Variants in UGT1A9 observed in about 807,000 individuals in gnomAD.
UGT1A9 encodes UDP glucuronosyltransferase family 1 member A9, also known as UDP-glucuronosyltransferase 1A9.
A neutral mutation model predicts 45.0 loss-of-function variants in UGT1A9; 35 were observed. The observed-to-expected ratio is 0.78, with a 90% CI of 0.59 to 1.03. UGT1A9 has a LOEUF of 1.03. Among genes scored for constraint, UGT1A9 ranks in the 50% least tolerant of loss-of-function variants. UGT1A9 has a pLI of 0.00. For synonymous variants in UGT1A9, 278 were observed against 250.6 expected (o/e 1.11, Z -1.03); for missense variants, 687 against 666.6 (o/e 1.03, Z -0.34).
chr2:233,679,344 CT>C (rs2074449555), intron 1 of UGT1A9, among the ~76,000 whole-genome samples: 1 of 152,168 alleles, frequency 6.6e-6, no homozygotes, highest in African/African-American at 2.4e-5. Context: ...TTGAGTCCTT[CT>C]TTTTGTACAA....
In UGT1A9 at chr2:233,772,448, C is replaced by T. The variant is rs199539868; in HGVS notation, c.1482C>T (p.Ala494=). The change falls in exon 5 of 5, where the codon GCC becomes GCT. Residue 494 remains alanine (A), a synonymous_variant. Transcript: ENST00000354728. ...HSLDVIGFLL[A]VVLTVAFITF... The stretch of plus-strand genomic sequence containing the variant: ...TGGACGTGATTGGTTTCCTCTTGGC[C>T]GTCGTGCTGACAGTGGCCTTCATCA... 42 of 1,614,180 alleles carry T rather than the reference C, an allele frequency of 2.6e-5. No homozygotes were observed. In the East Asian group the frequency reaches 7.4e-4, roughly 28 times the overall value.
chr2:233,675,603 T>C (rs1166392817), intron 1 of UGT1A9, among the ~76,000 whole-genome samples: 1 of 152,124 alleles, frequency 6.6e-6, no homozygotes, highest in Non-Finnish European at 1.5e-5. Context: ...GACTAAGGCC[T>C]CCCACTAAAA....
Position 233,672,029 on chromosome 2 carries a change from C to G in UGT1A9, c.95C>G (p.Pro32Arg), listed in dbSNP as rs2074207677. The G allele has an allele frequency of 3.1e-6, 5 of 1,614,058 alleles. No homozygotes were observed. The highest frequency in any genetic ancestry group is 3.4e-6 in the Non-Finnish European group (4 of 1,179,998). ...GAGGCAGGGAAGCTACTGGTAGTGC[C>G]CATGGATGGGAGCCACTGGTTCACC... is the stretch of plus-strand genomic sequence containing the variant. The part of the protein sequence containing the change: ...FAEAGKLLVV[P>R]MDGSHWFTMR... The change falls in exon 1 of 5, where the codon CCC becomes CGC. Residue 32 changes from proline to arginine, a missense_variant. By Grantham distance (103) the Pro-to-Arg change is moderately radical. Transcript: ENST00000354728.
intron 1 of UGT1A9, chr2:233,729,881 C>T (rs1164878821): frequency 1.9e-6 from 3 of 1,613,778 alleles, no homozygotes; most frequent in Admixed American, 3.3e-5. Flanking sequence ...CTCAGTCATG[C>T]ATCTGTGTGG....
At chr2:233,753,815 C>T (rs973351937) in intron 1 of UGT1A9, among the ~76,000 whole-genome samples, 12 of 152,170 alleles carry the variant, frequency 7.9e-5, no homozygotes, top group Admixed American at 5.2e-4. Context: ...TGGAGAACCA[C>T]GTTAGGGCTG....
intron 1 of UGT1A9, among the ~76,000 whole-genome samples, chr2:233,702,495 G>A (rs755245410): frequency 2.6e-5 from 4 of 152,000 alleles, no homozygotes; most frequent in Non-Finnish European, 5.9e-5. Flanking sequence ...CTCTAGTACC[G>A]TGTTGAATAG....
chr2:233,760,524 C>T (rs2125985415), intron 1 of UGT1A9: 1 of 1,614,240 alleles, frequency 6.2e-7, no homozygotes, highest in Non-Finnish European at 8.5e-7. Context: ...TGAAGACGTA[C>T]CCTGTGCCAT....
chr2:233,702,785 G>A (rs1179853330), intron 1 of UGT1A9, among the ~76,000 whole-genome samples: 1 of 152,106 alleles, frequency 6.6e-6, no homozygotes, highest in Admixed American at 6.5e-5. Flanking sequence ...AGGTGTAAAC[G>A]AACCTTGTAT....
intron 1 of UGT1A9, among the ~76,000 whole-genome samples, chr2:233,737,657 C>T (rs962486142): frequency 2.6e-5 from 4 of 152,206 alleles, no homozygotes; most frequent in African/African-American, 9.6e-5. Context: ...CTGGGAGCTG[C>T]AGATCGGAGC....
chr2:233,744,560 T>C (rs1423343809), intron 1 of UGT1A9, among the ~76,000 whole-genome samples: 1 of 151,924 alleles, frequency 6.6e-6, no homozygotes, highest in Admixed American at 6.5e-5. Flanking sequence ...CAAAATGTAG[T>C]GAGAAGAGTG....
intron 1 of UGT1A9, among the ~76,000 whole-genome samples, chr2:233,758,500 A>T (rs552604642): frequency 1.2e-4 from 19 of 152,348 alleles, no homozygotes; most frequent in African/African-American, 4.6e-4. Flanking sequence ...CAGAATTTCT[A>T]ATAAGGACAC....
At chr2:233,739,640 A>G (rs1691162430) in intron 1 of UGT1A9, among the ~76,000 whole-genome samples, 1 of 152,122 alleles carries the variant, frequency 6.6e-6, no homozygotes, top group African/African-American at 2.4e-5. Context: ...GGGAACATTT[A>G]CCCAATTTCT....
intron 1 of UGT1A9, among the ~76,000 whole-genome samples, chr2:233,695,975 T>G (rs548807201): frequency 6.6e-6 from 1 of 152,328 alleles, no homozygotes; most frequent in South Asian, 2.1e-4. Context: ...AATTCAGTTC[T>G]GAAGATGTCC....
rs62191899 is a variant in UGT1A9 at position 233,718,862 on chromosome 2, A to G, written c.855+46073A>G. On this transcript the variant is annotated intron_variant, in intron 1 of 4. Coordinates refer to ENST00000354728, the MANE Select transcript of UGT1A9 (RefSeq NM_021027.3). ...AGGTTCCCCTGCCGCGGCTGGCCACAGGACTGCTGCTCCTCCTCAGTGTCC... is the reference window on the plus strand; with the variant it reads ...AGGTTCCCCTGCCGCGGCTGGCCACGGGACTGCTGCTCCTCCTCAGTGTCC... 3,156 of 1,613,830 alleles carry G rather than the reference A, an allele frequency of 2.0e-3. 12 individuals carry two copies. The highest frequency in any genetic ancestry group is 2.2e-3 in the Non-Finnish European group (2,611 of 1,179,922).
chr2:233,748,109 G>A (rs1215169809), intron 1 of UGT1A9: 2 of 1,612,198 alleles, frequency 1.2e-6, no homozygotes, highest in African/African-American at 1.3e-5. Context: ...TCCAATCAAT[G>A]TTCCAGGCAA....
intron 1 of UGT1A9, among the ~76,000 whole-genome samples, chr2:233,676,355 A>G (rs1404847011): frequency 6.6e-6 from 1 of 152,202 alleles, no homozygotes; most frequent in Non-Finnish European, 1.5e-5. Context: ...GAATAAATAT[A>G]GGATTATAGC....
chr2:233,752,553 G>A (rs189829864), intron 1 of UGT1A9: 3 of 152,252 alleles, frequency 2.0e-5, no homozygotes, highest in East Asian at 1.9e-4. Flanking sequence ...CTCTTGCTGG[G>A]ACAACATAGT....
chr2:233,760,123 C>T, intron 1 of UGT1A9: 1 of 1,299,838 alleles, frequency 7.7e-7, no homozygotes, highest in East Asian at 2.5e-5. Context: ...AATAAAGCTC[C>T]ACCTTCTTTA....
chr2:233,718,056 A>T (rs1203878997), intron 1 of UGT1A9: 5 of 356,546 alleles, frequency 1.4e-5, no homozygotes, highest in Non-Finnish European at 2.8e-5. Flanking sequence ...CCCTGAACCC[A>T]CCGTGGGTCC....
Sources: gnomAD v4.1 joint callset for allele counts (sites outside exome capture counted in the v4.1 genomes callset) on GRCh38, gnomAD v4.1.1 for gene constraint, MANE v1.5 for transcripts, NCBI Gene and HGNC (gene_info 2026-07-23, HGNC 2026-07-21) for gene names.